COL21A1: variants seen among roughly 807,000 people sequenced by gnomAD.
The protein encoded by COL21A1 is collagen alpha-1(XXI) chain.
COL21A1 carries 149 observed loss-of-function variants against 137.9 expected under a neutral mutation model. The ratio of observed to expected loss-of-function variants is 1.08; its 90% confidence interval spans 0.95 to 1.24. The LOEUF is 1.24. COL21A1 is among the 50% of genes most tolerant of loss of function. COL21A1 has a pLI of 0.00. For missense variants in COL21A1, 1,167 were observed against 1,158.4 expected (o/e 1.01, Z -0.11); for synonymous variants, 456 against 391.5 (o/e 1.16, Z -1.95).
intron 16 of COL21A1, among the ~76,000 whole-genome samples, chr6:56,113,347 A>G (rs1423382986): frequency 6.6e-6 from 1 of 152,078 alleles, no homozygotes; most frequent in Non-Finnish European, 1.5e-5. Flanking sequence ...TTTGTCTTGT[A>G]TCTTGAATAC....
chr6:56,357,939 A>G (rs1765871345), intron 1 of COL21A1, among the ~76,000 whole-genome samples: 1 of 152,162 alleles, frequency 6.6e-6, no homozygotes, highest in South Asian at 2.1e-4. Flanking sequence ...GTGAAGATAG[A>G]CTGAATGCAA....
intron 1 of COL21A1, among the ~76,000 whole-genome samples, chr6:56,393,407 T>C (rs777072830): frequency 1.3e-5 from 2 of 151,872 alleles, no homozygotes. Flanking sequence ...AAAGAAAAAA[T>C]TGGGGAAACT....
chr6:56,213,598 A>G (rs6908195), intron 1 of COL21A1, among the ~76,000 whole-genome samples: 99,342 of 151,884 alleles, frequency 0.65, 32,949 homozygotes, highest in East Asian at 0.86. Context: ...AAACTCTGGC[A>G]TATATGAGGT....
chr6:56,112,603 T>G (rs901699919), intron 16 of COL21A1, among the ~76,000 whole-genome samples: 5 of 151,696 alleles, frequency 3.3e-5, no homozygotes, highest in Non-Finnish European at 7.4e-5. Flanking sequence ...AAACCAGTGC[T>G]CTCCTGTTAA....
chr6:56,288,984 G>A (rs1393087068), intron 1 of COL21A1, among the ~76,000 whole-genome samples: 1 of 152,154 alleles, frequency 6.6e-6, no homozygotes, highest in African/African-American at 2.4e-5. Flanking sequence ...CAAACTCTGA[G>A]TCCTAAGCTA....
At chr6:56,064,831 A>G (rs1766109066) in intron 23 of COL21A1, among the ~76,000 whole-genome samples, 2 of 152,090 alleles carry the variant, frequency 1.3e-5, no homozygotes, top group Non-Finnish European at 2.9e-5. Context: ...TAAAGTGGAC[A>G]GAGATAAGGA....
chr6:56,090,881 C>T (rs1325401302), intron 17 of COL21A1, among the ~76,000 whole-genome samples: 6 of 151,980 alleles, frequency 3.9e-5, no homozygotes, highest in African/African-American at 1.2e-4. Context: ...TTGGTTTACT[C>T]GGCACATACT....
intron 1 of COL21A1, among the ~76,000 whole-genome samples, chr6:56,199,650 A>G (rs994614473): frequency 1.3e-5 from 2 of 152,120 alleles, no homozygotes; most frequent in African/African-American, 4.8e-5. Context: ...CTTTGAGAAA[A>G]CTTTGGTTTA....
intron 1 of COL21A1, among the ~76,000 whole-genome samples, chr6:56,332,849 CATTATTCA>C (rs1765260633): frequency 6.6e-6 from 1 of 151,996 alleles, no homozygotes; most frequent in African/African-American, 2.4e-5. Context: ...GTTCCTTGCC[CATTATTCA>C]ATGGGTATGT....
At chr6:56,350,755 T>C (rs1050932543) in intron 1 of COL21A1, among the ~76,000 whole-genome samples, 2 of 152,162 alleles carry the variant, frequency 1.3e-5, no homozygotes, top group African/African-American at 4.8e-5. Context: ...CTACTTTCCA[T>C]AAGTTAGTAA....
chr6:56,124,236 C>T lies in COL21A1; in HGVS notation c.1704+3G>A, dbSNP rs1250415666. On this transcript the variant is annotated splice_donor_region_variant and intron_variant, in intron 15 of 29. Coordinates refer to ENST00000244728, the MANE Select transcript of COL21A1 (RefSeq NM_030820.4). ...ACTAAGAGCTTTTTTCTATCAAACTCACAGCAGGTCCAGGGAGGCCAGGGA... is the reference window on the plus strand; with the variant it reads ...ACTAAGAGCTTTTTTCTATCAAACTTACAGCAGGTCCAGGGAGGCCAGGGA... 6.3e-7 allele frequency: 1 copy of T among 1,597,672 alleles called. No homozygotes were observed. The highest frequency in any genetic ancestry group is 8.5e-7 in the Non-Finnish European group (1 of 1,171,452).
chr6:56,170,801 T>C lies in COL21A1; in HGVS notation c.874A>G (p.Lys292Glu). The C allele has an allele frequency of 6.2e-7, 1 of 1,610,628 alleles. No homozygotes were observed. Among genetic ancestry groups the C allele is most frequent in the East Asian group, 2.2e-5 (1 of 44,806 alleles). ...ATTCTCCATAAATCCCAAATTTTCTTGACTTTAAATCTTTGAGTAGACACA... is the reference window on the plus strand; with the variant it reads ...ATTCTCCATAAATCCCAAATTTTCTCGACTTTAAATCTTTGAGTAGACACA... Reference protein sequence around the residue: ...VFVSTQRFKVKKIWDLWRILT... With the variant: ...VFVSTQRFKVEKIWDLWRILT... The change falls in exon 5 of 30, where the codon AAG becomes GAG. Residue 292 changes from lysine to glutamate, a missense_variant. Transcript: ENST00000244728.
rs575641810 is a variant in COL21A1, at chr6:56,328,519, T to C, written c.-39+65452A>G. The stretch of plus-strand genomic sequence containing the variant: ...CTGATTATATATCTGTCTTCTATTA[T>C]ACAAGGAAAAAAATAAAGCAGAGAC... On this transcript the variant is annotated intron_variant, in intron 1 of 28. Coordinates refer to the COL21A1 transcript ENST00000370819. 2.6e-5 allele frequency among the ~76,000 whole-genome samples: 4 copies of C among 152,170 alleles called. No individual in the cohort carries two copies. In the South Asian group the frequency reaches 8.3e-4, roughly 32 times the overall value.
chr6:56,136,340 TTAA>T (rs1194992974), intron 12 of COL21A1, among the ~76,000 whole-genome samples: 2 of 152,206 alleles, frequency 1.3e-5, no homozygotes, highest in African/African-American at 4.8e-5. Context: ...TTGCTTGTGA[TTAA>T]TAATAATTTG....
intron 1 of COL21A1, among the ~76,000 whole-genome samples, chr6:56,382,734 C>G (rs553447301): frequency 6.6e-6 from 1 of 152,238 alleles, no homozygotes; most frequent in African/African-American, 2.4e-5. Context: ...AGGGCCCTCA[C>G]CAGAAACAAA....
At chr6:56,073,413 C>T (rs2114108573) in intron 20 of COL21A1, among the ~76,000 whole-genome samples, 1 of 151,466 alleles carries the variant, frequency 6.6e-6, no homozygotes, top group East Asian at 2.0e-4. Context: ...TCTCTCTTTT[C>T]TAAATACTTT....
At chr6:56,362,180 G>A (rs2152348650) in intron 1 of COL21A1, among the ~76,000 whole-genome samples, 1 of 152,274 alleles carries the variant, frequency 6.6e-6, no homozygotes, top group South Asian at 2.1e-4. Context: ...AGAGATACTA[G>A]CAGTATAGCA....
chr6:56,337,936 G>C (rs1481000492), intron 1 of COL21A1, among the ~76,000 whole-genome samples: 1 of 149,428 alleles, frequency 6.7e-6, no homozygotes, highest in Non-Finnish European at 1.5e-5. Flanking sequence ...GGAAGAAAAG[G>C]GGTTTTTTTC....
intron 1 of COL21A1, among the ~76,000 whole-genome samples, chr6:56,365,954 C>T (rs919228627): frequency 9.9e-5 from 15 of 152,150 alleles, no homozygotes; most frequent in African/African-American, 3.4e-4. Flanking sequence ...AATAAAAAGA[C>T]AACCTTTCTT....
Sources: allele counts gnomAD v4.1 joint callset (sites outside exome capture counted in the v4.1 genomes callset), GRCh38; gene constraint gnomAD v4.1.1; transcripts MANE v1.5; gene names NCBI Gene and HGNC (gene_info 2026-07-23, HGNC 2026-07-21).